MBP: variants seen among roughly 807,000 people sequenced by gnomAD.
MBP encodes myelin basic protein.
In MBP, 16 loss-of-function variants were observed where a neutral mutation model predicts 35.8. That is an observed-to-expected ratio of 0.45 (90% CI 0.30 to 0.68). The LOEUF is 0.68. Among genes scored for constraint, MBP ranks in the 30% least tolerant of loss-of-function variants. MBP has a pLI of 0.08. For missense variants in MBP, 380 were observed against 404.7 expected (o/e 0.94, Z 0.52); for synonymous variants, 143 against 159.6 (o/e 0.90, Z 0.78).
In MBP at chr18:77,102,128, G is replaced by A. The variant is rs1456718948; in HGVS notation, c.51+3083C>T. Among the ~76,000 whole-genome samples, 2 of 152,100 alleles carry A rather than the reference G, an allele frequency of 1.3e-5. No individual in the cohort carries two copies. Among genetic ancestry groups the A allele is most frequent in the East Asian group, 1.9e-4 (1 of 5,190 alleles). On this transcript the variant is annotated intron_variant, in intron 2 of 8. Transcript: ENST00000355994. The surrounding 1 kb of genome is among the most constrained non-coding windows in gnomAD (Gnocchi z 4.4). ...GAGGAAAGAATCATCTAGTGTGGGT[G>A]GGGAGAGGTGGAGAAGGTGGCAGCA...
Position 76,988,899 on chromosome 18 carries a change from G to T in MBP, c.695C>A (p.Thr232Lys). 1.2e-6 allele frequency: 2 copies of T among 1,613,982 alleles called. No individual in the cohort carries two copies. Among genetic ancestry groups the T allele is most frequent in the Non-Finnish European group, 1.7e-6 (2 of 1,179,912 alleles). The change falls in exon 6 of 9, where the codon ACA becomes AAA. Residue 232 changes from threonine (T) to lysine (K), a missense_variant. Physicochemically the swap from Thr to Lys is moderately conservative, Grantham distance 78. Coordinates refer to ENST00000355994, the MANE Select transcript of MBP (RefSeq NM_001025101.2). This position sits in a 1 kb window ranked among gnomAD's most constrained non-coding sequence, Gnocchi z 5.2. ...TACCTTTCCCTGCGACGGGGGTGGT[G>T]TGCGAGGCGTCACCTGGAAAGACAC... is the stretch of plus-strand genomic sequence containing the variant. ...HFFKNIVTPRTPPPSQGKGRG... is the reference protein window; with the variant it reads ...HFFKNIVTPRKPPPSQGKGRG...
intron 3 of MBP, among the ~76,000 whole-genome samples, chr18:77,029,100 C>A (rs1972417015): frequency 1.0e-5 from 1 of 100,194 alleles, no homozygotes; most frequent in Non-Finnish European, 2.6e-5. Flanking sequence ...GATCTCGCCA[C>A]TGCACCCCAG....
chr18:77,131,492 C>G lies in MBP; in HGVS notation c.-26+1088G>C, dbSNP rs935607301. On this transcript the variant is annotated intron_variant, in intron 1 of 8. Coordinates refer to ENST00000355994, the MANE Select transcript of MBP (RefSeq NM_001025101.2). This position sits in a 1 kb window ranked among gnomAD's most constrained non-coding sequence, Gnocchi z 5.5. ...CACCCCAGCACCCAGCGAGCCCACG[C>G]GCCCCTCACCCACGCGCAGAGAAAC... is the stretch of plus-strand genomic sequence containing the variant. 6.6e-6 allele frequency: 1 copy of G among 152,038 alleles called. No individual in the cohort carries two copies. Among genetic ancestry groups the G allele is most frequent in the Non-Finnish European group, 1.5e-5 (1 of 68,022 alleles). 9.4% of individuals were successfully genotyped at this position (152,038 alleles called of 1,614,324 possible). A position where few individuals can be genotyped will look rare whatever the true frequency, so the allele number is the denominator to read the frequency against.
At chr18:77,077,098 T>C (rs1289103566) in intron 2 of MBP, among the ~76,000 whole-genome samples, 2 of 152,132 alleles carry the variant, frequency 1.3e-5, no homozygotes, top group Non-Finnish European at 2.9e-5. Context: ...TGGTGGCTCA[T>C]ACCTGTAATC....
chr18:77,126,067 C>T (rs1977038398), intron 1 of MBP, among the ~76,000 whole-genome samples: 1 of 152,104 alleles, frequency 6.6e-6, no homozygotes, highest in Non-Finnish European at 1.5e-5. Context: ...CTTTCTAACT[C>T]ATTTTATGAG....
At chr18:77,035,275 C>T (rs1421824821) in intron 3 of MBP, among the ~76,000 whole-genome samples, 2 of 152,226 alleles carry the variant, frequency 1.3e-5, no homozygotes, top group Admixed American at 6.5e-5. Flanking sequence ...GGGACGTACA[C>T]ACTGCATTCT....
Position 77,044,447 on chromosome 18 carries a change from GTCC to G in MBP, c.139+21848_139+21850del, listed in dbSNP as rs1041574669. On this transcript the variant is annotated intron_variant, in intron 3 of 8. Coordinates refer to ENST00000355994, the MANE Select transcript of MBP (RefSeq NM_001025101.2). The surrounding 1 kb of genome is among the most constrained non-coding windows in gnomAD (Gnocchi z 4.4). ...AGTGTCTGGGGACCTGGGGACTGCT[GTCC>G]TCCTTCCCAGCATGAAGTTCTACTG... Among the ~76,000 whole-genome samples the G allele has an allele frequency of 5.9e-5, 9 of 152,180 alleles. No individual in the cohort carries two copies. The highest frequency in any genetic ancestry group is 2.2e-4 in the African/African-American group (9 of 41,524).
rs138008076 is a variant in MBP at position 77,099,441 on chromosome 18, T to C, written c.51+5770A>G. Reference sequence around the variant, plus strand: ...ATTTCATGAACAATTTTTATATGGATTCTATGCTTACATGACATTTGAGGT... The same window carrying C: ...ATTTCATGAACAATTTTTATATGGACTCTATGCTTACATGACATTTGAGGT... On this transcript the variant is annotated intron_variant, in intron 2 of 8. Coordinates refer to ENST00000355994, the MANE Select transcript of MBP (RefSeq NM_001025101.2). Among the ~76,000 whole-genome samples, 860 of 152,340 alleles carry C rather than the reference T, an allele frequency of 5.6e-3. 6 individuals are homozygous for C. The highest frequency in any genetic ancestry group is 0.019 in the African/African-American group (774 of 41,580).
intron 2 of MBP, among the ~76,000 whole-genome samples, chr18:77,091,604 CACACA>C (rs1568335268): frequency 6.6e-6 from 1 of 151,940 alleles, no homozygotes; most frequent in African/African-American, 2.4e-5. Flanking sequence ...CACACACACA[CACACA>C]CCCACCCACC....
intron 2 of MBP, among the ~76,000 whole-genome samples, chr18:77,077,151 A>G (rs1266396724): frequency 6.6e-6 from 1 of 152,020 alleles, no homozygotes; most frequent in Non-Finnish European, 1.5e-5. Context: ...ACCCGAGGTC[A>G]GGAGTTCAAG....
At chr18:76,998,692 G>A (rs997535854) in intron 4 of MBP, among the ~76,000 whole-genome samples, 3 of 152,310 alleles carry the variant, frequency 2.0e-5, no homozygotes, top group East Asian at 3.9e-4. Flanking sequence ...ACATTTATGA[G>A]ATGAGACGTA....
At chr18:77,124,542 C>G (rs974519389) in intron 1 of MBP, among the ~76,000 whole-genome samples, 1 of 152,048 alleles carries the variant, frequency 6.6e-6, no homozygotes, top group African/African-American at 2.4e-5. Context: ...GGGGGTTGGA[C>G]GCGGGGCAGC....
In MBP at chr18:77,047,316, G is replaced by A. The variant is rs555829925; in HGVS notation, c.139+18982C>T. On this transcript the variant is annotated intron_variant, in intron 3 of 8. Transcript: ENST00000355994. ...ATATCCTCCTGTCGTAAGGAGGAATGCAGCACTAGCGTGCGCTACTCCATG... is the reference window on the plus strand; with the variant it reads ...ATATCCTCCTGTCGTAAGGAGGAATACAGCACTAGCGTGCGCTACTCCATG... Among the ~76,000 whole-genome samples, 3 of 152,376 alleles carry A rather than the reference G, an allele frequency of 2.0e-5. No homozygotes were observed. The South Asian group carries it at 6.2e-4, about 32-fold the overall frequency.
chr18:77,049,971 C>A (rs565956924), intron 3 of MBP, among the ~76,000 whole-genome samples: 8 of 152,270 alleles, frequency 5.3e-5, no homozygotes, highest in African/African-American at 1.4e-4. Flanking sequence ...TGAGCCACTG[C>A]ACTCACCCCT....
intron 3 of MBP, among the ~76,000 whole-genome samples, chr18:77,057,117 T>A (rs1352207231): frequency 1.3e-5 from 2 of 152,104 alleles, no homozygotes; most frequent in African/African-American, 4.8e-5. Flanking sequence ...TTTTTAATGA[T>A]ATAAAGTATC....
chr18:77,028,141 TCCGCAGTGTTTGTGTC>T (rs1456435795), intron 3 of MBP, among the ~76,000 whole-genome samples: 1 of 148,162 alleles, frequency 6.7e-6, no homozygotes, highest in East Asian at 2.0e-4. Flanking sequence ...CCTGCGGCCT[TCCGCAGTGTTTGTGTC>T]CCTGGGTACT....
chr18:77,126,539 G>A (rs1789080), intron 1 of MBP, among the ~76,000 whole-genome samples: 147,177 of 152,288 alleles, frequency 0.97, 71,332 homozygotes, highest in East Asian at 1. Context: ...TAACCAGTAC[G>A]GTAAGATAAG....
intron 3 of MBP, among the ~76,000 whole-genome samples, chr18:77,045,346 A>T (rs1227341451): frequency 1.3e-5 from 2 of 152,228 alleles, no homozygotes; most frequent in Non-Finnish European, 2.9e-5. Flanking sequence ...CAGTAAAGAC[A>T]CTTGCATGCA....
chr18:77,064,423 T>G (rs186429002), intron 3 of MBP, among the ~76,000 whole-genome samples: 1 of 152,290 alleles, frequency 6.6e-6, no homozygotes, highest in East Asian at 1.9e-4. Context: ...ATAAAGAGCA[T>G]AATAAAGTAT....
Sources: gnomAD v4.1 joint callset for allele counts (sites outside exome capture counted in the v4.1 genomes callset) on GRCh38, gnomAD v4.1.1 for gene constraint, Gnocchi (gnomAD v3.1) non-coding constraint, MANE v1.5 for transcripts, NCBI Gene and HGNC (gene_info 2026-07-23, HGNC 2026-07-21) for gene names.